The following RAB22A variants were observed in gnomAD, a reference collection of about 807,000 sequenced individuals.
The protein encoded by RAB22A is ras-related protein Rab-22A.
Under a neutral mutation model 30.2 loss-of-function variants are expected in RAB22A, and 13 were observed. The observed-to-expected ratio is 0.43, with a 90% CI of 0.28 to 0.68. The LOEUF (loss-of-function observed/expected upper bound fraction) is 0.68, where lower values mean the gene tolerates loss of function less well. Ranked by LOEUF, RAB22A falls within the 30% of genes least tolerant of loss-of-function variation. The probability of loss-of-function intolerance (pLI) is 0.18; values close to 1 mark genes in which losing one functional copy is unlikely to be tolerated. For synonymous variants in RAB22A, 89 were observed against 87.2 expected (o/e 1.02, Z -0.11); for missense variants, 177 against 246.8 (o/e 0.72, Z 1.89).
At chr20:58,355,079 T>C (rs1987110341) in intron 6 of RAB22A, among the ~76,000 whole-genome samples, 1 of 152,112 alleles carries the variant, frequency 6.6e-6, no homozygotes, top group African/African-American at 2.4e-5. Context: ...GGGAGTCACA[T>C]AAACATGTCA....
At chr20:58,338,839 A>T (rs1986807552) in intron 2 of RAB22A, among the ~76,000 whole-genome samples, 1 of 152,244 alleles carries the variant, frequency 6.6e-6, no homozygotes, top group Non-Finnish European at 1.5e-5. Flanking sequence ...ATCAGTGTAC[A>T]TAATCCAGAG....
At chr20:58,357,119 C>T (rs1987143650) in intron 6 of RAB22A, among the ~76,000 whole-genome samples, 1 of 152,160 alleles carries the variant, frequency 6.6e-6, no homozygotes, top group Non-Finnish European at 1.5e-5. Context: ...GGTAGTTGTA[C>T]TAGTTGACAA....
At chr20:58,313,448 C>G (rs1986271390) in intron 2 of RAB22A, among the ~76,000 whole-genome samples, 1 of 152,260 alleles carries the variant, frequency 6.6e-6, no homozygotes, top group Middle Eastern at 3.4e-3. Context: ...TTCCTCAGCC[C>G]TATCATCTTG....
intron 2 of RAB22A, among the ~76,000 whole-genome samples, chr20:58,342,452 A>T (rs566744309): frequency 6.6e-6 from 1 of 152,286 alleles, no homozygotes; most frequent in Admixed American, 6.5e-5. Context: ...AAGGATTCTG[A>T]TACTTGTCTA....
rs1319630752 is a variant in RAB22A at position 58,366,069 on chromosome 20, C to G, written c.*6366C>G. ...TTCCATCATTTCACTTTGTGAGTCA[C>G]TCACATAATTGTCAATCATTCCTCT... On this transcript the variant is annotated 3_prime_UTR_variant, in exon 7 of 7. Coordinates refer to ENST00000244040, the MANE Select transcript of RAB22A (RefSeq NM_020673.3). 6.6e-6 allele frequency: 1 copy of G among 152,028 alleles called. No individual in the cohort carries two copies. The highest frequency in any genetic ancestry group is 1.5e-5 in the Non-Finnish European group (1 of 68,034). The allele number at this position is 152,028 out of a possible 1,614,324, so 9.4% of individuals were successfully genotyped here.
chr20:58,312,476 T>C (rs1188258884), intron 2 of RAB22A, among the ~76,000 whole-genome samples: 19 of 27,436 alleles, frequency 6.9e-4, no homozygotes, highest in Non-Finnish European at 7.7e-4. Flanking sequence ...GGTTTTCTTT[T>C]TTTTTTTTTT....
At chr20:58,323,608 C>T (rs1204007555) in intron 2 of RAB22A, among the ~76,000 whole-genome samples, 3 of 150,076 alleles carry the variant, frequency 2.0e-5, no homozygotes, top group African/African-American at 7.4e-5. Flanking sequence ...ACATTACAAA[C>T]GTGCCCTTTT....
chr20:58,322,133 C>G (rs1326164199), intron 2 of RAB22A, among the ~76,000 whole-genome samples: 1 of 152,192 alleles, frequency 6.6e-6, no homozygotes, highest in African/African-American at 2.4e-5. Flanking sequence ...CTTTTACAAA[C>G]GTCATGAAAT....
chr20:58,311,038 T>G lies in RAB22A; in HGVS notation c.37-5T>G. On this transcript the variant is annotated splice_region_variant and splice_polypyrimidine_tract_variant and intron_variant, in intron 1 of 6. Coordinates refer to ENST00000244040, the MANE Select transcript of RAB22A (RefSeq NM_020673.3). Reference sequence around the variant, plus strand: ...TTCTCAGTCCCTCATCTCGTTCTCTTTCAGGATACAGGTGTAGGTAAATCG... The same window carrying G: ...TTCTCAGTCCCTCATCTCGTTCTCTGTCAGGATACAGGTGTAGGTAAATCG... 1 of 1,595,586 alleles carries G rather than the reference T, an allele frequency of 6.3e-7. No individual in the cohort carries two copies. Among genetic ancestry groups the G allele is most frequent in the Non-Finnish European group, 8.6e-7 (1 of 1,163,128 alleles).
At chr20:58,334,565 A>G (rs1986713221) in intron 2 of RAB22A, among the ~76,000 whole-genome samples, 1 of 151,974 alleles carries the variant, frequency 6.6e-6, no homozygotes, top group African/African-American at 2.4e-5. Context: ...ACAGTAGTTA[A>G]CTGGAAATGG....
intron 2 of RAB22A, among the ~76,000 whole-genome samples, chr20:58,336,166 C>T (rs1050841117): frequency 6.6e-6 from 1 of 152,092 alleles, no homozygotes; most frequent in African/African-American, 2.4e-5. Flanking sequence ...CCCACCACGA[C>T]GCCCAGCTAA....
chr20:58,349,010 A>G (rs752262200), intron 3 of RAB22A, among the ~76,000 whole-genome samples: 42 of 152,304 alleles, frequency 2.8e-4, no homozygotes, highest in Non-Finnish European at 4.3e-4. Context: ...TTTACCAGAA[A>G]AAGTTTGCCG....
chr20:58,328,881 A>G (rs1227769411), intron 2 of RAB22A, among the ~76,000 whole-genome samples: 1 of 152,186 alleles, frequency 6.6e-6, no homozygotes, highest in Middle Eastern at 3.2e-3. Flanking sequence ...GTTTTATTTT[A>G]CACACATATT....
intron 2 of RAB22A, among the ~76,000 whole-genome samples, chr20:58,337,961 A>T (rs889220154): frequency 6.6e-6 from 1 of 152,194 alleles, no homozygotes; most frequent in African/African-American, 2.4e-5. Context: ...GGTATATGTT[A>T]TGTAAATTAT....
In RAB22A at chr20:58,363,801, T is replaced by C. The variant is rs887229549; in HGVS notation, c.*4098T>C. 1.3e-5 allele frequency: 2 copies of C among 152,210 alleles called. No homozygotes were observed. The highest frequency in any genetic ancestry group is 4.8e-5 in the African/African-American group (2 of 41,448). The allele number at this position is 152,210 out of a possible 1,614,324, so 9.4% of individuals were successfully genotyped here. On this transcript the variant is annotated 3_prime_UTR_variant, in exon 7 of 7. Transcript: ENST00000244040. ...TTTTTAAATGATTCAAGGTAATGTT[T>C]AGGATATTTGTTTTAACTCCTGCTG... is the stretch of plus-strand genomic sequence containing the variant.
Position 58,364,304 on chromosome 20 carries a change from A to G in RAB22A, c.*4601A>G, listed in dbSNP as rs1764588406. ...ACCTTCCAGATCTCGAAGGACTTCC[A>G]ATAGCATAGATCAGGTTTAATTTGA... On this transcript the variant is annotated 3_prime_UTR_variant, in exon 7 of 7. Transcript: ENST00000244040. 6.6e-6 allele frequency: 1 copy of G among 152,266 alleles called. No homozygotes were observed. The highest frequency in any genetic ancestry group is 1.5e-5 in the Non-Finnish European group (1 of 68,038). 9.4% of individuals were successfully genotyped at this position (152,266 alleles called of 1,614,324 possible).
intron 2 of RAB22A, among the ~76,000 whole-genome samples, chr20:58,333,543 A>G (rs1986696543): frequency 6.6e-6 from 1 of 152,218 alleles, no homozygotes; most frequent in Non-Finnish European, 1.5e-5. Context: ...TTTGTTTGTA[A>G]CATATGAAGA....
chr20:58,345,165 C>G (rs1354166503), intron 3 of RAB22A, among the ~76,000 whole-genome samples: 1 of 152,060 alleles, frequency 6.6e-6, no homozygotes, highest in African/African-American at 2.4e-5. Context: ...GTTTCAGTTA[C>G]CCCTCACATA....
chr20:58,310,094 C>T (rs570495974), intron 1 of RAB22A, 82 bp downstream of exon 1: 185 of 1,198,492 alleles, frequency 1.5e-4, no homozygotes, highest in Non-Finnish European at 1.8e-4. Context: ...CCCCTCATCC[C>T]TTCCCCCCTC....
Sources: allele counts gnomAD v4.1 joint callset (sites outside exome capture counted in the v4.1 genomes callset), GRCh38; gene constraint gnomAD v4.1.1; transcripts MANE v1.5; gene names NCBI Gene and HGNC (gene_info 2026-07-23, HGNC 2026-07-21).